SV2C: variants seen among roughly 807,000 people sequenced by gnomAD.
The protein encoded by SV2C is solute carrier family 22 member B3.
A neutral mutation model predicts 79.7 loss-of-function variants in SV2C; 49 were observed. That is an observed-to-expected ratio of 0.61 (90% CI 0.49 to 0.78). The LOEUF (loss-of-function observed/expected upper bound fraction) is 0.78, where lower values mean the gene tolerates loss of function less well. Among genes scored for constraint, SV2C ranks in the 30% least tolerant of loss-of-function variants. The pLI, the probability that SV2C is intolerant of heterozygous loss-of-function variation, is 0.00. For missense variants in SV2C, 833 were observed against 912.9 expected (o/e 0.91, Z 1.13); for synonymous variants, 334 against 333.2 (o/e 1.00, Z -0.03).
the SV2C span, among the ~76,000 whole-genome samples, chr5:76,049,024 A>AAAGAAAGAAAGAAAGAGAGAG: frequency 2.5e-5 from 3 of 120,612 alleles, no homozygotes; most frequent in East Asian, 5.5e-4. Context: ...AGAAAGAAAG[A>AAAGAAAGAAAGAAAGAGAGAG]AAAAGAAAAG....
chr5:75,971,213 A>C, the SV2C span, among the ~76,000 whole-genome samples: 1 of 152,088 alleles, frequency 6.6e-6, no homozygotes, highest in Non-Finnish European at 1.5e-5. Flanking sequence ...CCCACAGCCA[A>C]TATCATACTG....
At chr5:76,030,290 TTTA>T in the SV2C span, among the ~76,000 whole-genome samples, 699 of 111,896 alleles carry the variant, frequency 6.2e-3, 82 homozygotes, top group Non-Finnish European at 9.0e-3. Flanking sequence ...TTTTTTTTTT[TTTA>T]TTTATTCCTG....
the SV2C span, among the ~76,000 whole-genome samples, chr5:76,052,436 T>C: frequency 1.3e-5 from 2 of 152,218 alleles, no homozygotes; most frequent in African/African-American, 2.4e-5. Context: ...TTAAAACTTA[T>C]TAATGGCTCC....
chr5:76,232,276 G>C (rs1325127562), intron 4 of SV2C, among the ~76,000 whole-genome samples: 1 of 149,018 alleles, frequency 6.7e-6, no homozygotes, highest in Non-Finnish European at 1.5e-5. Flanking sequence ...CCCACTTTTT[G>C]ATGGGGTTGT....
At chr5:76,279,758 A>G (rs528193117) in intron 4 of SV2C, among the ~76,000 whole-genome samples, 1 of 152,106 alleles carries the variant, frequency 6.6e-6, no homozygotes, top group Non-Finnish European at 1.5e-5. Context: ...AGCCTGTGGG[A>G]GTGGAGGAAG....
chr5:76,230,359 T>C (rs1198345372), intron 4 of SV2C, among the ~76,000 whole-genome samples: 1 of 152,196 alleles, frequency 6.6e-6, no homozygotes, highest in Non-Finnish European at 1.5e-5. Flanking sequence ...ATCAATGATG[T>C]GGTACCATGA....
the SV2C span, among the ~76,000 whole-genome samples, chr5:76,041,220 A>G: frequency 1.3e-5 from 2 of 152,320 alleles, no homozygotes; most frequent in Non-Finnish European, 2.9e-5. Flanking sequence ...AATACCTCCT[A>G]TCCTTCTACT....
chr5:75,886,755 C>T, the SV2C span, among the ~76,000 whole-genome samples: 4 of 151,928 alleles, frequency 2.6e-5, no homozygotes, highest in Non-Finnish European at 5.9e-5. Flanking sequence ...GGTCGAGGGG[C>T]GGTGGGGTGG....
At chr5:76,079,172 T>C, upstream of SV2C, 1 of 334,068 alleles carries the variant, frequency 3.0e-6, no homozygotes, top group Non-Finnish European at 6.0e-6. Context: ...AGTAGGGATG[T>C]TGATTCGGCA....
At chr5:76,059,068 G>A in the SV2C span, among the ~76,000 whole-genome samples, 3 of 152,012 alleles carry the variant, frequency 2.0e-5, no homozygotes, top group Non-Finnish European at 4.4e-5. Flanking sequence ...ATAGCATTAT[G>A]TCTATAAAAA....
chr5:75,858,170 C>A, the SV2C span, among the ~76,000 whole-genome samples: 1 of 152,164 alleles, frequency 6.6e-6, no homozygotes, highest in South Asian at 2.1e-4. Flanking sequence ...AGTGGGCATC[C>A]TTGTCTTATT....
At chr5:75,888,986 G>A in the SV2C span, among the ~76,000 whole-genome samples, 1 of 152,028 alleles carries the variant, frequency 6.6e-6, no homozygotes, top group Non-Finnish European at 1.5e-5. Flanking sequence ...CTCCTTGGCT[G>A]TCTTCTCTCT....
the SV2C span, among the ~76,000 whole-genome samples, chr5:76,036,298 T>C: frequency 6.6e-6 from 1 of 152,154 alleles, no homozygotes; most frequent in Non-Finnish European, 1.5e-5. Context: ...TGATGTTAGC[T>C]GGTTATTTTG....
At chr5:75,919,179 T>C in the SV2C span, among the ~76,000 whole-genome samples, 5 of 152,196 alleles carry the variant, frequency 3.3e-5, no homozygotes, top group Non-Finnish European at 4.4e-5. Context: ...ATGAGAACAG[T>C]GTACAAGTTA....
intron 1 of SV2C, among the ~76,000 whole-genome samples, chr5:76,123,155 C>T (rs567781402): frequency 6.6e-6 from 1 of 152,300 alleles, no homozygotes; most frequent in East Asian, 1.9e-4. Flanking sequence ...TCGACACATA[C>T]ACTCTCCCAA....
intron 2 of SV2C, among the ~76,000 whole-genome samples, chr5:76,180,912 G>A (rs1743699582): frequency 6.6e-6 from 1 of 152,066 alleles, no homozygotes; most frequent in Non-Finnish European, 1.5e-5. Context: ...CATCCTCAAG[G>A]GTTGACTCTT....
the SV2C span, among the ~76,000 whole-genome samples, chr5:75,898,516 G>C: frequency 6.6e-6 from 1 of 152,142 alleles, no homozygotes. Context: ...CAAGGATATT[G>C]GTCTAAAATT....
chr5:76,037,503 C>T, the SV2C span, among the ~76,000 whole-genome samples: 4 of 152,182 alleles, frequency 2.6e-5, no homozygotes, highest in East Asian at 7.7e-4. Context: ...GAGTACCCGG[C>T]CGTGTGAGGT....
chr5:76,071,581 T>C, the SV2C span, among the ~76,000 whole-genome samples: 1 of 152,206 alleles, frequency 6.6e-6, no homozygotes, highest in Non-Finnish European at 1.5e-5. Context: ...TTTCCATCAT[T>C]AACACTCATT....
Sources: allele counts gnomAD v4.1 joint callset (sites outside exome capture counted in the v4.1 genomes callset), GRCh38; gene constraint gnomAD v4.1.1; transcripts MANE v1.5; gene names NCBI Gene and HGNC (gene_info 2026-07-23, HGNC 2026-07-21).